Variants in ATP8A2 observed in about 807,000 individuals in gnomAD.
ATP8A2 encodes phospholipid-transporting ATPase IB.
ATP8A2 carries 100 observed loss-of-function variants against 165.6 expected under a neutral mutation model. That is an observed-to-expected ratio of 0.60 (90% CI 0.51 to 0.71). ATP8A2 has a LOEUF of 0.71. Ranked by LOEUF, ATP8A2 falls within the 30% of genes least tolerant of loss-of-function variation. The pLI, the probability that ATP8A2 is intolerant of heterozygous loss-of-function variation, is 0.00. For missense variants in ATP8A2, 1,227 were observed against 1,479.5 expected, an observed-to-expected ratio of 0.83 and a Z score of 2.80; for synonymous variants, 543 against 548.8, an observed-to-expected ratio of 0.99 and a Z score of 0.15.
At chr13:25,983,508 C>T (rs1956213218) in intron 35 of ATP8A2, among the ~76,000 whole-genome samples, 1 of 152,128 alleles carries the variant, frequency 6.6e-6, no homozygotes, top group Admixed American at 6.5e-5. Flanking sequence ...TTAAAAATGC[C>T]TGTGAGTAGG....
chr13:26,016,995 C>T (rs1329032396), intron 36 of ATP8A2, among the ~76,000 whole-genome samples: 1 of 152,192 alleles, frequency 6.6e-6, no homozygotes, highest in Admixed American at 6.5e-5. Flanking sequence ...CTAGAACCAC[C>T]CTTTGTTTCC....
intron 33 of ATP8A2, among the ~76,000 whole-genome samples, chr13:25,888,808 A>G (rs567296600): frequency 6.6e-6 from 1 of 152,330 alleles, no homozygotes; most frequent in Admixed American, 6.5e-5. Context: ...GCGATGAGTC[A>G]AGATCGCACC....
chr13:25,657,396 C>T (rs1446425515), intron 24 of ATP8A2, among the ~76,000 whole-genome samples: 3 of 152,144 alleles, frequency 2.0e-5, no homozygotes, highest in African/African-American at 4.8e-5. Context: ...AGGAGTTACA[C>T]GCTCAGATGC....
intron 35 of ATP8A2, among the ~76,000 whole-genome samples, chr13:25,980,012 A>G (rs988560828): frequency 2.0e-5 from 3 of 152,200 alleles, no homozygotes; most frequent in African/African-American, 2.4e-5. Context: ...AGATCCAAAG[A>G]CCCAGGGAAA....
rs146841940 is a variant in ATP8A2, at chr13:25,827,237, G to A, written c.2680-881G>A. 5.2e-3 allele frequency among the ~76,000 whole-genome samples: 793 copies of A among 152,130 alleles called. 12 individuals are homozygous for A. Among genetic ancestry groups the A allele is most frequent in the African/African-American group, 0.017 (723 of 41,512 alleles). ...CGATTCTCCTGCCTCAGACCCCCCCGAGTAGCTGGGATTACAGGTGCGTGC... is the reference window on the plus strand; with the variant it reads ...CGATTCTCCTGCCTCAGACCCCCCCAAGTAGCTGGGATTACAGGTGCGTGC... On this transcript the variant is annotated intron_variant, in intron 27 of 36. Transcript: ENST00000381655.
intron 25 of ATP8A2, among the ~76,000 whole-genome samples, chr13:25,768,076 TGGGGGGGGG>T (rs397942177): frequency 2.0e-5 from 1 of 49,318 alleles, no homozygotes; most frequent in Non-Finnish European, 4.7e-5. Context: ...TGTGGTGGCG[TGGGGGGGGG>T]GTGGTGGGGG....
At position 26,025,116 on chromosome 13, in the gene ATP8A2, C is replaced by CAAAAAAAAAAAAAAAAA. The variant is rs71080217; in HGVS notation, c.*5136_*5152dup. 1.1e-5 allele frequency: 1 copy of CAAAAAAAAAAAAAAAAA among 94,818 alleles called. No individual in the cohort carries two copies. Among genetic ancestry groups the CAAAAAAAAAAAAAAAAA allele is most frequent in the Non-Finnish European group, 2.1e-5 (1 of 48,436 alleles). The allele number at this position is 94,818 out of a possible 1,614,324, so 5.9% of individuals were successfully genotyped here. A position where few individuals can be genotyped will look rare whatever the true frequency, so the allele number is the denominator to read the frequency against. ...GTGAATCAATAAACACCAACAACAACAAAAAAAAAAAAAAAAAAAAAGGAA... is the reference window on the plus strand; with the variant it reads ...GTGAATCAATAAACACCAACAACAACAAAAAAAAAAAAAAAAAAAAAAAAAAAAAAAAAAAAAAGGAA... On this transcript the variant is annotated 3_prime_UTR_variant, in exon 37 of 37. Coordinates refer to ENST00000381655, the MANE Select transcript of ATP8A2 (RefSeq NM_016529.6).
intron 35 of ATP8A2, among the ~76,000 whole-genome samples, chr13:26,010,951 T>C (rs1427885893): frequency 2.0e-5 from 3 of 152,126 alleles, no homozygotes; most frequent in Non-Finnish European, 4.4e-5. Context: ...CTCAAAGAAC[T>C]GTGAAGAAGA....
rs541164859 is a variant in ATP8A2, at chr13:25,703,430, A to G, written c.2384+4085A>G. ...CAAAAAGCTAAATCTGGAAAGTACC[A>G]TATGACCCAGAAATTGCACTCTTAG... is the stretch of plus-strand genomic sequence containing the variant. On this transcript the variant is annotated intron_variant, in intron 25 of 36. Transcript: ENST00000381655. Among the ~76,000 whole-genome samples, 5 of 152,194 alleles carry G rather than the reference A, an allele frequency of 3.3e-5. 1 individual carries two copies. Among genetic ancestry groups the G allele is most frequent in the African/African-American group, 1.2e-4 (5 of 41,462 alleles).
chr13:25,573,268 G>A (rs939666878), intron 18 of ATP8A2, among the ~76,000 whole-genome samples: 1 of 152,118 alleles, frequency 6.6e-6, no homozygotes, highest in Non-Finnish European at 1.5e-5. Context: ...AGGTGAGAGA[G>A]ACAGAAGAGA....
At chr13:25,892,472 C>G (rs1244956501) in intron 33 of ATP8A2, among the ~76,000 whole-genome samples, 2 of 148,282 alleles carry the variant, frequency 1.3e-5, no homozygotes, top group Non-Finnish European at 2.9e-5. Context: ...CTCTCTCTGT[C>G]TCTCTGTCTC....
At chr13:25,859,656 A>G (rs1952287106) in intron 30 of ATP8A2, among the ~76,000 whole-genome samples, 1 of 152,196 alleles carries the variant, frequency 6.6e-6, no homozygotes, top group Admixed American at 6.5e-5. Context: ...GCGTTCCCCC[A>G]GGTGATAGAC....
intron 27 of ATP8A2, among the ~76,000 whole-genome samples, chr13:25,811,910 A>G (rs1950881910): frequency 6.6e-6 from 1 of 152,128 alleles, no homozygotes; most frequent in Admixed American, 6.5e-5. Flanking sequence ...ATCTCTGAAT[A>G]TGTGTGCCTA....
At chr13:25,870,912 A>G (rs1327882188) in intron 33 of ATP8A2, among the ~76,000 whole-genome samples, 1 of 152,356 alleles carries the variant, frequency 6.6e-6, no homozygotes, top group East Asian at 1.9e-4. Context: ...CACGAGCCCA[A>G]TCTTTTTTAA....
In ATP8A2 at chr13:26,024,351, C is replaced by T. The variant is rs749016982; in HGVS notation, c.*4366C>T. On this transcript the variant is annotated 3_prime_UTR_variant, in exon 37 of 37. Coordinates refer to ENST00000381655, the MANE Select transcript of ATP8A2 (RefSeq NM_016529.6). ...TTTCTCAGCATCCCAAGTTGTCCATCAGTACATTCCCCTTCACCTTACCTG... is the reference window on the plus strand; with the variant it reads ...TTTCTCAGCATCCCAAGTTGTCCATTAGTACATTCCCCTTCACCTTACCTG... 3 of 152,202 alleles carry T rather than the reference C, an allele frequency of 2.0e-5. No individual in the cohort carries two copies. Among genetic ancestry groups the T allele is most frequent in the Non-Finnish European group, 4.4e-5 (3 of 68,052 alleles). 9.4% of individuals were successfully genotyped at this position (152,202 alleles called of 1,614,324 possible). A position where few individuals can be genotyped will look rare whatever the true frequency, so the allele number is the denominator to read the frequency against.
rs76637312 is a variant in ATP8A2 at position 25,491,035 on chromosome 13, C to T, written c.221+21914C>T. 2.6e-5 allele frequency among the ~76,000 whole-genome samples: 4 copies of T among 151,884 alleles called. No individual in the cohort carries two copies. The South Asian group carries it at 8.3e-4, about 32-fold the overall frequency. On this transcript the variant is annotated intron_variant, in intron 2 of 36. Coordinates refer to ENST00000381655, the MANE Select transcript of ATP8A2 (RefSeq NM_016529.6). ...GCTGGGATTACAGTCACAAGCCTGG[C>T]TACTTTTAAAGATTTCACATATGTA...
intron 11 of ATP8A2, among the ~76,000 whole-genome samples, chr13:25,553,287 C>G (rs76535510): frequency 0.011 from 1,703 of 151,888 alleles, 31 homozygotes; most frequent in African/African-American, 0.038. Context: ...GAACTTGTTC[C>G]GTCCAGATAT....
chr13:25,617,562 T>C (rs2040858345), intron 24 of ATP8A2, among the ~76,000 whole-genome samples: 1 of 152,184 alleles, frequency 6.6e-6, no homozygotes, highest in South Asian at 2.1e-4. Flanking sequence ...ACAAAACTCT[T>C]TTAAGTTCGG....
At chr13:25,564,130 T>C (rs1291430072) in intron 16 of ATP8A2, 99 bp downstream of exon 16, 8 of 854,770 alleles carry the variant, frequency 9.4e-6, no homozygotes, top group Non-Finnish European at 1.6e-5. Flanking sequence ...TTTTAGAGCA[T>C]GGGAAAAGTC....
Sources: gnomAD v4.1 joint callset for allele counts (sites outside exome capture counted in the v4.1 genomes callset) on GRCh38, gnomAD v4.1.1 for gene constraint, MANE v1.5 for transcripts, NCBI Gene and HGNC (gene_info 2026-07-23, HGNC 2026-07-21) for gene names.